The following TTC39B variants were observed in gnomAD, a reference collection of about 807,000 sequenced individuals.
TTC39B encodes the protein tetratricopeptide repeat protein 39B.
A neutral mutation model predicts 96.6 loss-of-function variants in TTC39B; 92 were observed. The ratio of observed to expected loss-of-function variants is 0.95; its 90% CI spans 0.80 to 1.13. The LOEUF is 1.13. Among genes scored for constraint, TTC39B ranks in the 50% most tolerant of loss-of-function variants. The pLI, the probability that TTC39B is intolerant of heterozygous loss-of-function variation, is 0.00. For missense variants in TTC39B, 955 were observed against 809.3 expected (o/e 1.18, Z -2.18); for synonymous variants, 367 against 299.4 (o/e 1.23, Z -2.33).
At chr9:15,256,560 G>A (rs141241845) in intron 2 of TTC39B, among the ~76,000 whole-genome samples, 17 of 152,224 alleles carry the variant, frequency 1.1e-4, no homozygotes, top group African/African-American at 2.2e-4. Flanking sequence ...AAAAACAGAT[G>A]ATCAAAAAAC....
intron 15 of TTC39B, among the ~76,000 whole-genome samples, chr9:15,185,834 T>C (rs1818496138): frequency 6.6e-6 from 1 of 152,256 alleles, no homozygotes; most frequent in South Asian, 2.1e-4. Context: ...CACTGGTATA[T>C]GGCCTATTCC....
chr9:15,243,179 T>G (rs955733731), intron 2 of TTC39B, among the ~76,000 whole-genome samples: 3 of 152,202 alleles, frequency 2.0e-5, no homozygotes, highest in Non-Finnish European at 2.9e-5. Flanking sequence ...AGGGAAAACC[T>G]TTTAAGAAGG....
chr9:15,173,389 T>A (rs1244073472), intron 19 of TTC39B, among the ~76,000 whole-genome samples: 1 of 152,158 alleles, frequency 6.6e-6, no homozygotes, highest in Non-Finnish European at 1.5e-5. Flanking sequence ...ACAGCAAACA[T>A]CCTAAAAGAG....
At chr9:15,221,533 C>A (rs544156862) in intron 3 of TTC39B, among the ~76,000 whole-genome samples, 1 of 152,018 alleles carries the variant, frequency 6.6e-6, no homozygotes, top group Non-Finnish European at 1.5e-5. Flanking sequence ...ACTTTCCCTG[C>A]CCTGGTGCTG....
At chr9:15,205,213 C>T (rs960682581) in intron 6 of TTC39B, among the ~76,000 whole-genome samples, 5 of 152,178 alleles carry the variant, frequency 3.3e-5, no homozygotes, top group African/African-American at 4.8e-5. Context: ...GTGCTAACTA[C>T]GTGCACTGAG....
intron 2 of TTC39B, among the ~76,000 whole-genome samples, chr9:15,248,049 A>G (rs142002158): frequency 3.6e-4 from 55 of 152,362 alleles, no homozygotes; most frequent in Middle Eastern, 3.4e-3. Context: ...AGGTCAATCA[A>G]CATGGTTGCT....
chr9:15,190,538 C>G lies in TTC39B; in HGVS notation c.1105+16G>C, dbSNP rs528073856. The G allele has an allele frequency of 3.1e-6, 5 of 1,605,036 alleles. No individual in the cohort carries two copies. The highest frequency in any genetic ancestry group is 4.3e-6 in the Non-Finnish European group (5 of 1,171,844). The stretch of plus-strand genomic sequence containing the variant: ...GACAATCAATGTTCAATGAAACAAT[C>G]TAATCCAGATCTTACCAAGTATTAG... On this transcript the variant is annotated intron_variant, in intron 11 of 19. Transcript: ENST00000512701.
At chr9:15,197,090 T>G (rs940678798) in intron 8 of TTC39B, among the ~76,000 whole-genome samples, 4 of 152,232 alleles carry the variant, frequency 2.6e-5, no homozygotes, top group African/African-American at 9.6e-5. Context: ...TTGGCAGACT[T>G]AACAGAATAC....
At chr9:15,201,554 T>C (rs1266744772) in intron 7 of TTC39B, among the ~76,000 whole-genome samples, 1 of 152,168 alleles carries the variant, frequency 6.6e-6, no homozygotes, top group Non-Finnish European at 1.5e-5. Flanking sequence ...CAGATGTGAA[T>C]TTTGTAAGCA....
At chr9:15,263,725 T>C (rs555487466) in intron 2 of TTC39B, among the ~76,000 whole-genome samples, 1 of 152,304 alleles carries the variant, frequency 6.6e-6, no homozygotes, top group South Asian at 2.1e-4. Context: ...TGCTACAAGA[T>C]TCTTCGTGTA....
chr9:15,231,794 G>C (rs1468906216), intron 2 of TTC39B, among the ~76,000 whole-genome samples: 1 of 152,200 alleles, frequency 6.6e-6, no homozygotes, highest in African/African-American at 2.4e-5. Context: ...ATAAAAATAT[G>C]TCCTTCAAGG....
intron 1 of TTC39B, among the ~76,000 whole-genome samples, chr9:15,300,894 A>AC (rs1824561685): frequency 1.5e-5 from 1 of 65,408 alleles, no homozygotes; most frequent in Non-Finnish European, 2.9e-5. Context: ...TCCGTCTCAA[A>AC]AAAAAAAAAA....
At chr9:15,218,635 A>AAAAAATATATATATAT (rs374054306) in intron 3 of TTC39B, among the ~76,000 whole-genome samples, 384 of 149,528 alleles carry the variant, frequency 2.6e-3, no homozygotes, top group South Asian at 0.011. Flanking sequence ...GTCTATTTTA[A>AAAAAATATATATATAT]ATATATATAT....
At chr9:15,218,303 TC>T (rs1820639613) in intron 3 of TTC39B, among the ~76,000 whole-genome samples, 1 of 152,014 alleles carries the variant, frequency 6.6e-6, no homozygotes, top group Non-Finnish European at 1.5e-5. Context: ...GCCAAGCCAT[TC>T]TCTAGCCTTG....
chr9:15,210,106 G>A, exon 6 of TTC39B: 1 of 1,607,188 alleles, frequency 6.2e-7, no homozygotes, highest in South Asian at 1.1e-5. Flanking sequence ...AGTTGCTCCA[G>A]GGATCCTCTA....
chr9:15,249,308 A>G (rs2131499690), intron 2 of TTC39B: 1 of 152,362 alleles, frequency 6.6e-6, no homozygotes, highest in South Asian at 2.1e-4. Context: ...AAAGGTGGCC[A>G]TACAAAGGTC....
At chr9:15,261,422 T>C (rs1210403706) in intron 2 of TTC39B, among the ~76,000 whole-genome samples, 2 of 151,882 alleles carry the variant, frequency 1.3e-5, no homozygotes, top group African/African-American at 4.8e-5. Context: ...CTGCAGTGAG[T>C]TGAGAACGCG....
chr9:15,177,551 A>G lies in TTC39B; in HGVS notation c.1841+146T>C, dbSNP rs1017650591. 2.7e-5 allele frequency: 15 copies of G among 560,974 alleles called. No homozygotes were observed. The Admixed American group carries it at 4.4e-4, about 17-fold the overall frequency. The allele number at this position is 560,974 out of a possible 1,614,324, so 34.7% of individuals were successfully genotyped here. A position where few individuals can be genotyped will look rare whatever the true frequency, so the allele number is the denominator to read the frequency against. ...ATAATTTTGTTCACGAGGAAGAACAACAACAACACACTACTGGATTTTCTT... is the reference window on the plus strand; with the variant it reads ...ATAATTTTGTTCACGAGGAAGAACAGCAACAACACACTACTGGATTTTCTT... On this transcript the variant is annotated intron_variant, in intron 18 of 19. Coordinates refer to ENST00000512701, the Ensembl canonical transcript of TTC39B.
exon 20 of TTC39B, chr9:15,167,022 A>ATTTTT (rs1564299968): frequency 1.1e-4 from 1 of 9,292 alleles, no homozygotes; most frequent in Non-Finnish European, 1.7e-4. Context: ...ATATATATAT[A>ATTTTT]TATATATTTT....
Sources: gnomAD v4.1 joint callset for allele counts (sites outside exome capture counted in the v4.1 genomes callset) on GRCh38, gnomAD v4.1.1 for gene constraint, MANE v1.5 for transcripts, NCBI Gene and HGNC (gene_info 2026-07-23, HGNC 2026-07-21) for gene names.